Variants in ADAMTSL1 observed in about 807,000 individuals in gnomAD.
ADAMTSL1 encodes ADAMTS like 1.
In ADAMTSL1, 126 loss-of-function variants were observed where a neutral mutation model predicts 201.8. That is an observed-to-expected ratio of 0.62 (90% CI 0.54 to 0.72). The LOEUF (loss-of-function observed/expected upper bound fraction) is 0.72. ADAMTSL1 is among the 30% of genes least tolerant of loss of function. The probability of loss-of-function intolerance (pLI) is 0.00; values close to 1 mark genes in which losing one functional copy is unlikely to be tolerated. For synonymous variants in ADAMTSL1, 1,121 were observed against 903.4 expected (o/e 1.24, Z -4.32); for missense variants, 2,679 against 2,277.8 (o/e 1.18, Z -3.59).
intron 3 of ADAMTSL1, among the ~76,000 whole-genome samples, chr9:18,559,832 T>A (rs1426910694): frequency 1.3e-5 from 2 of 152,230 alleles, no homozygotes; most frequent in South Asian, 2.1e-4. Context: ...TATAAAGGAA[T>A]GCTTGTGATT....
At chr9:18,815,032 G>T (rs953681805) in intron 20 of ADAMTSL1, among the ~76,000 whole-genome samples, 4 of 151,958 alleles carry the variant, frequency 2.6e-5, no homozygotes, top group Non-Finnish European at 5.9e-5. Flanking sequence ...TATTAGAATG[G>T]GTACTATCAA....
At chr9:18,168,547 C>G (rs1175561598) in intron 2 of ADAMTSL1, among the ~76,000 whole-genome samples, 2 of 151,602 alleles carry the variant, frequency 1.3e-5, no homozygotes, top group African/African-American at 2.4e-5. Flanking sequence ...TGGGTTGGTT[C>G]CAAGTCTTTG....
chr9:18,722,485 T>G (rs1427239002), intron 15 of ADAMTSL1, among the ~76,000 whole-genome samples: 1 of 152,222 alleles, frequency 6.6e-6, no homozygotes, highest in Non-Finnish European at 1.5e-5. Context: ...CTGCAAAGTG[T>G]GTCATGTAAG....
rs369817034 is a variant in ADAMTSL1, at chr9:18,329,411, A to G, written c.207+165430A>G. On this transcript the variant is annotated intron_variant, in intron 2 of 29. Coordinates refer to the ADAMTSL1 transcript ENST00000680146. ...AAATCTCATGGATATAAGTGGAAGAACATTTACTGGGATAGAGAAAGAACC... is the reference window on the plus strand; with the variant it reads ...AAATCTCATGGATATAAGTGGAAGAGCATTTACTGGGATAGAGAAAGAACC... Among the ~76,000 whole-genome samples, 8 of 152,344 alleles carry G rather than the reference A, an allele frequency of 5.3e-5. No homozygotes were observed. The South Asian group carries it at 6.2e-4, about 12-fold the overall frequency.
intron 1 of ADAMTSL1, among the ~76,000 whole-genome samples, chr9:18,099,355 A>ATATATATATATATATATATTTT (rs1239180390): frequency 2.2e-5 from 1 of 45,546 alleles, no homozygotes; most frequent in South Asian, 8.2e-4. Context: ...ATATATATAT[A>ATATATATATATATATATATTTT]TTTTTTTTTT....
chr9:18,087,744 GA>G (rs1298383239), intron 1 of ADAMTSL1, among the ~76,000 whole-genome samples: 6 of 152,102 alleles, frequency 3.9e-5, no homozygotes, highest in African/African-American at 1.2e-4. Context: ...AAGAAAGGTA[GA>G]AAATGTCTCT....
chr9:18,630,204 C>G (rs1301331609), intron 5 of ADAMTSL1, among the ~76,000 whole-genome samples: 1 of 152,054 alleles, frequency 6.6e-6, no homozygotes, highest in Non-Finnish European at 1.5e-5. Flanking sequence ...CTAATTGTAC[C>G]CTTTTACTGA....
intron 4 of ADAMTSL1, among the ~76,000 whole-genome samples, chr9:18,588,922 T>A (rs1255165280): frequency 6.2e-5 from 9 of 146,318 alleles, no homozygotes; most frequent in Non-Finnish European, 9.0e-5. Flanking sequence ...TACACATTTT[T>A]TTTTTGAGAC....
At chr9:18,359,653 T>G (rs1025074870) in intron 2 of ADAMTSL1, among the ~76,000 whole-genome samples, 19 of 152,208 alleles carry the variant, frequency 1.2e-4, no homozygotes, top group African/African-American at 3.9e-4. Flanking sequence ...ACCAAGATTG[T>G]GTTTTCAGAT....
chr9:17,933,166 G>A lies in ADAMTSL1; in HGVS notation c.87+26244G>A, dbSNP rs943771961. On this transcript the variant is annotated intron_variant, in intron 1 of 29. Transcript: ENST00000680146. ...TTCAGCAGATGCCATGCTCCCTACC[G>A]TGGCCCTGGGGAAGGATCTGTTCCT... Among the ~76,000 whole-genome samples the A allele has an allele frequency of 4.6e-5, 7 of 152,092 alleles. No homozygotes were observed. In the East Asian group the frequency reaches 5.8e-4, roughly 13 times the overall value.
At chr9:18,592,690 C>G (rs1178321286) in intron 4 of ADAMTSL1, among the ~76,000 whole-genome samples, 4 of 152,116 alleles carry the variant, frequency 2.6e-5, no homozygotes, top group Admixed American at 2.0e-4. Context: ...CTCAGGATAG[C>G]TTTGGCTATT....
At chr9:18,525,428 G>T (rs1196976618) in intron 2 of ADAMTSL1, among the ~76,000 whole-genome samples, 5 of 152,020 alleles carry the variant, frequency 3.3e-5, no homozygotes, top group South Asian at 2.1e-4. Context: ...AGGGTTTTTT[G>T]TGTGTCTATC....
Position 18,887,997 on chromosome 9 carries a change from G to T in ADAMTSL1, c.4416G>T (p.Gln1472His). The T allele has an allele frequency of 6.2e-7, 1 of 1,613,906 alleles. No individual in the cohort carries two copies. The highest frequency in any genetic ancestry group is 8.5e-7 in the Non-Finnish European group (1 of 1,179,890). The change falls in exon 24 of 29, where the codon CAG becomes CAT. Residue 1472 changes from glutamine to histidine, a missense_variant. Physicochemically the swap from Gln to His is conservative, Grantham distance 24. Coordinates refer to ENST00000380548, the MANE Select transcript of ADAMTSL1 (RefSeq NM_001040272.6). ...GSQGEFSCLAQNEAGVLMQKA... is the reference protein window; with the variant it reads ...GSQGEFSCLAHNEAGVLMQKA... ...AAGGGGAATTCAGCTGCCTTGCTCA[G>T]AATGAGGCAGGGGTGCTCATGCAGA...
At chr9:18,706,022 A>C (rs1325174005) in intron 13 of ADAMTSL1, among the ~76,000 whole-genome samples, 1 of 152,234 alleles carries the variant, frequency 6.6e-6, no homozygotes, top group Non-Finnish European at 1.5e-5. Context: ...AGTTTATTAA[A>C]GTAAAGGAAT....
chr9:18,626,791 TGCAC>T (rs1372061763), intron 5 of ADAMTSL1, among the ~76,000 whole-genome samples: 1 of 148,842 alleles, frequency 6.7e-6, no homozygotes, highest in Non-Finnish European at 1.5e-5. Flanking sequence ...ATAGATATAC[TGCAC>T]CTGTATTTAT....
intron 2 of ADAMTSL1, among the ~76,000 whole-genome samples, chr9:18,506,103 C>A (rs1384003753): frequency 2.0e-5 from 3 of 152,164 alleles, no homozygotes; most frequent in African/African-American, 7.2e-5. Context: ...GAGGTGTGCA[C>A]TAAAAATGGG....
At chr9:18,881,725 G>A (rs1828548564) in intron 23 of ADAMTSL1, among the ~76,000 whole-genome samples, 1 of 152,150 alleles carries the variant, frequency 6.6e-6, no homozygotes, top group Non-Finnish European at 1.5e-5. Flanking sequence ...TGTAACAAAT[G>A]CAGGATCCAT....
In ADAMTSL1 at chr9:18,007,736, AT is replaced by A. The variant is rs988235601; in HGVS notation, c.87+100815del. 4.1e-4 allele frequency among the ~76,000 whole-genome samples: 62 copies of A among 152,080 alleles called. 1 individual carries two copies. Among genetic ancestry groups the A allele is most frequent in the Admixed American group, 4.6e-4 (7 of 15,242 alleles). On this transcript the variant is annotated intron_variant, in intron 1 of 29. Transcript: ENST00000680146. Reference sequence around the variant, plus strand: ...GCAGAGAAGAGTATAATTAAGCTAAATGTTCTGATGTTCAAATGTTGACACA... The same window carrying A: ...GCAGAGAAGAGTATAATTAAGCTAAAGTTCTGATGTTCAAATGTTGACACA...
At chr9:17,975,547 C>G (rs1270925653) in intron 1 of ADAMTSL1, among the ~76,000 whole-genome samples, 1 of 152,046 alleles carries the variant, frequency 6.6e-6, no homozygotes, top group Non-Finnish European at 1.5e-5. Flanking sequence ...TCATAGTTAA[C>G]TATGGCCATT....
Sources: allele counts gnomAD v4.1 joint callset (sites outside exome capture counted in the v4.1 genomes callset), GRCh38; gene constraint gnomAD v4.1.1; transcripts MANE v1.5; gene names NCBI Gene and HGNC (gene_info 2026-07-23, HGNC 2026-07-21).